Variants in CYP4F12 observed in about 807,000 individuals in gnomAD.
CYP4F12 encodes the protein cytochrome P450 4F12.
A neutral mutation model predicts 56.5 loss-of-function variants in CYP4F12; 60 were observed. The observed-to-expected ratio is 1.06, with a 90% CI of 0.86 to 1.32. CYP4F12 has a LOEUF of 1.32. Ranked by LOEUF, CYP4F12 falls within the 40% of genes most tolerant of loss-of-function variation. The probability of loss-of-function intolerance (pLI) is 0.00; values close to 1 mark genes in which losing one functional copy is unlikely to be tolerated. For missense variants in CYP4F12, 711 were observed against 683.5 expected (o/e 1.04, Z -0.45); for synonymous variants, 263 against 264.9 (o/e 0.99, Z 0.07).
chr19:15,676,539 A>T (rs2006940789), intron 2 of CYP4F12, among the ~76,000 whole-genome samples: 1 of 22,074 alleles, frequency 4.5e-5, no homozygotes, highest in Non-Finnish European at 8.5e-5. Flanking sequence ...CTGCCCACTC[A>T]CTCATTCATA....
chr19:15,678,494 C>T, intron 3 of CYP4F12, 89 bp downstream of exon 3: 1 of 1,501,222 alleles, frequency 6.7e-7, no homozygotes, highest in South Asian at 1.2e-5. Context: ...AGTACTCGTG[C>T]CCCTCATTGA....
intron 9 of CYP4F12, among the ~76,000 whole-genome samples, chr19:15,686,863 C>T (rs912533737): frequency 2.3e-4 from 35 of 152,144 alleles, no homozygotes; most frequent in African/African-American, 8.4e-4. Flanking sequence ...TTTTGGAGGC[C>T]GTGTCCTCCC....
intron 2 of CYP4F12, among the ~76,000 whole-genome samples, chr19:15,676,249 G>T (rs1274388321): frequency 1.3e-5 from 2 of 150,990 alleles, no homozygotes; most frequent in African/African-American, 4.9e-5. Context: ...GCTGGGGTCT[G>T]GGAACCCAGA....
intron 9 of CYP4F12, among the ~76,000 whole-genome samples, chr19:15,687,046 G>A (rs1280461641): frequency 1.3e-5 from 2 of 152,170 alleles, no homozygotes; most frequent in East Asian, 3.8e-4. Context: ...GGAAGGCCGA[G>A]GCGGGCGGAT....
intron 9 of CYP4F12, among the ~76,000 whole-genome samples, chr19:15,688,596 T>C (rs912374175): frequency 6.6e-6 from 1 of 152,126 alleles, no homozygotes; most frequent in Admixed American, 6.6e-5. Context: ...TTCACACAAC[T>C]GGGAAAAGCA....
At chr19:15,689,471 T>C (rs2007775706) in intron 9 of CYP4F12, among the ~76,000 whole-genome samples, 2 of 152,196 alleles carry the variant, frequency 1.3e-5, no homozygotes, top group African/African-American at 2.4e-5. Context: ...TAGATGTATG[T>C]TGTGGATGTA....
intron 7 of CYP4F12, 185 bp downstream of exon 7, chr19:15,683,948 T>C: frequency 1.6e-6 from 1 of 606,102 alleles, no homozygotes. Flanking sequence ...CTGCTAATTC[T>C]GAAACTGTGA....
chr19:15,683,290 G>C (rs1224171459), intron 6 of CYP4F12, among the ~76,000 whole-genome samples: 1 of 152,194 alleles, frequency 6.6e-6, no homozygotes, highest in Non-Finnish European at 1.5e-5. Flanking sequence ...CATGGAGACA[G>C]CTCTCTCAGA....
In CYP4F12 at chr19:15,673,524, T is replaced by C; in HGVS notation, c.-1-5T>C. 1 of 1,612,848 alleles carries C rather than the reference T, an allele frequency of 6.2e-7. No individual in the cohort carries two copies. Among genetic ancestry groups the C allele is most frequent in the Non-Finnish European group, 8.5e-7 (1 of 1,179,750 alleles). On this transcript the variant is annotated splice_polypyrimidine_tract_variant and splice_region_variant and intron_variant, in intron 1 of 12. Coordinates refer to ENST00000550308, the MANE Select transcript of CYP4F12 (RefSeq NM_023944.4). ...TCCTCACCCTGCATCCCCTCTGCCC[T>C]GCAGGATGTCGCTGCTGAGCCTGCC...
chr19:15,678,595 C>A, intron 3 of CYP4F12, 190 bp downstream of exon 3: 1 of 747,854 alleles, frequency 1.3e-6, no homozygotes, highest in Non-Finnish European at 2.1e-6. Context: ...GGCCTCAATT[C>A]AGGGCCCTTT....
In CYP4F12 at chr19:15,683,484, G is replaced by T; in HGVS notation, c.648-9G>T. ...CATTGTTGCCTCCCTTTCTGCCCTTGCTCTGCAGGAGGCCCAGTGAATATA... is the reference window on the plus strand; with the variant it reads ...CATTGTTGCCTCCCTTTCTGCCCTTTCTCTGCAGGAGGCCCAGTGAATATA... On this transcript the variant is annotated splice_polypyrimidine_tract_variant and intron_variant, in intron 6 of 12. Coordinates refer to ENST00000550308, the MANE Select transcript of CYP4F12 (RefSeq NM_023944.4). The T allele has an allele frequency of 6.3e-7, 1 of 1,580,798 alleles. No homozygotes were observed.
chr19:15,696,135 C>T (rs916291102), intron 10 of CYP4F12, 26 bp from the exon 11 acceptor site: 5 of 1,612,520 alleles, frequency 3.1e-6, no homozygotes, highest in Non-Finnish European at 4.2e-6. Flanking sequence ...GGATCCTTGT[C>T]CTGACTGCCC....
chr19:15,684,970 G>T lies in CYP4F12; in HGVS notation c.985+88G>T. The T allele has an allele frequency of 5.1e-6, 8 of 1,567,272 alleles. 1 individual carries two copies. The Middle Eastern group carries it at 5.2e-4, about 102-fold the overall frequency. ...GGTGGACCCTGGATCACTCCATTCT[G>T]CCCATCTTCCCCCTCCCTCCATCCT... On this transcript the variant is annotated intron_variant, in intron 8 of 12. Transcript: ENST00000550308.
Position 15,684,874 on chromosome 19 carries a change from T to A in CYP4F12, c.977T>A (p.Met326Lys). 1.2e-6 allele frequency: 2 copies of A among 1,605,276 alleles called. No individual in the cohort carries two copies. Among genetic ancestry groups the A allele is most frequent in the Non-Finnish European group, 8.5e-7 (1 of 1,175,406 alleles). ...EDIRAEADTF[M>K]FGGHDTTASG... ...ATAAGAGCAGAGGCTGACACCTTCA[T>A]GTTTGGAGGTGAGGGTCCCAGTGTG... The change falls in exon 8 of 13, where the codon ATG becomes AAG. Residue 326 changes from methionine to lysine, a missense_variant. Physicochemically the swap from Met to Lys is moderately conservative, Grantham distance 95 (BLOSUM62 -1). Coordinates refer to ENST00000550308, the MANE Select transcript of CYP4F12 (RefSeq NM_023944.4).
chr19:15,693,180 A>C (rs1456959537), intron 9 of CYP4F12, among the ~76,000 whole-genome samples: 2 of 152,286 alleles, frequency 1.3e-5, no homozygotes, highest in African/African-American at 4.8e-5. Context: ...CATTAAAAAA[A>C]ATAATAACCT....
At chr19:15,691,691 A>T (rs2007875280) in intron 9 of CYP4F12, among the ~76,000 whole-genome samples, 1 of 137,520 alleles carries the variant, frequency 7.3e-6, no homozygotes, top group Admixed American at 8.2e-5. Flanking sequence ...TATCACAATT[A>T]ATGTTTTTTT....
intron 9 of CYP4F12, 52 bp from the exon 10 acceptor site, chr19:15,695,884 G>C (rs761461056): frequency 3.4e-5 from 54 of 1,567,062 alleles, no homozygotes; most frequent in East Asian, 7.0e-5. Context: ...AAAAGGTGGA[G>C]AGTTGTGTAT....
intron 9 of CYP4F12, among the ~76,000 whole-genome samples, chr19:15,694,167 T>A (rs932200128): frequency 6.6e-6 from 1 of 150,986 alleles, no homozygotes; most frequent in Non-Finnish European, 1.5e-5. Context: ...GACTTGGCGA[T>A]GCGGGCTCCT....
Position 15,673,655 on chromosome 19 carries a change from T to C in CYP4F12, c.126T>C (p.Tyr42=), listed in dbSNP as rs1568411403. The change falls in exon 2 of 13, where the codon TAT becomes TAC. Residue 42 remains tyrosine (Y), a synonymous_variant. Coordinates refer to ENST00000550308, the MANE Select transcript of CYP4F12 (RefSeq NM_023944.4). ...ARILAWTYAF[Y]NNCRRLQCFP... The stretch of plus-strand genomic sequence containing the variant: ...TCCTGGCTTGGACCTATGCCTTCTA[T>C]AACAACTGCCGCCGGCTCCAGTGTT... The C allele has an allele frequency of 1.9e-6, 3 of 1,614,160 alleles. No individual in the cohort carries two copies. Among genetic ancestry groups the C allele is most frequent in the South Asian group, 2.2e-5 (2 of 91,082 alleles).
Sources: allele counts gnomAD v4.1 joint callset (sites outside exome capture counted in the v4.1 genomes callset), GRCh38; gene constraint gnomAD v4.1.1; transcripts MANE v1.5; gene names NCBI Gene and HGNC (gene_info 2026-07-23, HGNC 2026-07-21).